Variants in LANCL3 observed in about 807,000 individuals in gnomAD.
LANCL3 encodes the protein lanC-like protein 3.
LANCL3 carries 19 observed loss-of-function variants against 26.5 expected under a neutral mutation model. The observed-to-expected ratio is 0.72, with a 90% confidence interval of 0.50 to 1.05. The LOEUF is 1.05. LANCL3 is among the 50% of genes least tolerant of loss of function. The pLI, the probability that LANCL3 is intolerant of heterozygous loss-of-function variation, is 0.00. For synonymous variants in LANCL3, 160 were observed against 166.6 expected (o/e 0.96, Z 0.30); for missense variants, 318 against 362.7 (o/e 0.88, Z 1.00).
At chrX:37,602,925 G>A (rs1924609396) in intron 1 of LANCL3, among the ~76,000 whole-genome samples, 1 of 109,666 alleles carries the variant, frequency 9.1e-6, no homozygotes, top group Admixed American at 9.6e-5. Context: ...GTTTTTATCT[G>A]TAGTCTAGTC....
chrX:37,577,112 C>T (rs1202444958), intron 1 of LANCL3, among the ~76,000 whole-genome samples: 12 of 111,752 alleles, frequency 1.1e-4, no homozygotes, highest in Non-Finnish European at 2.1e-4. Flanking sequence ...AAAAGATCGC[C>T]CTGGTTTTCT....
chrX:37,680,528 C>G lies in LANCL3; in HGVS notation c.*4715C>G, dbSNP rs972885894. 9.0e-5 allele frequency: 10 copies of G among 111,726 alleles called. No homozygotes were observed. Among genetic ancestry groups the G allele is most frequent in the Non-Finnish European group, 1.7e-4 (9 of 53,118 alleles). 9.2% of individuals were successfully genotyped at this position (111,726 alleles called of 1,213,427 possible). ...GCAGAATTCCCAGAATCTTCTTTTG[C>G]CTTTGTGCACCTGCTAATTACCCCC... On this transcript the variant is annotated 3_prime_UTR_variant, in exon 5 of 5. Coordinates refer to ENST00000378619, the MANE Select transcript of LANCL3 (RefSeq NM_001170331.2).
At position 37,648,158 on chromosome X, in the gene LANCL3, G is replaced by C. The variant is rs144546059; in HGVS notation, c.574-7530G>C. Among the ~76,000 whole-genome samples, 351 of 112,305 alleles carry C rather than the reference G, an allele frequency of 3.1e-3. 1 individual carries two copies. Among genetic ancestry groups the C allele is most frequent in the African/African-American group, 0.011 (338 of 30,978 alleles). On this transcript the variant is annotated intron_variant, in intron 1 of 4. Coordinates refer to ENST00000378619, the MANE Select transcript of LANCL3 (RefSeq NM_001170331.2). The stretch of plus-strand genomic sequence containing the variant: ...CTTCAACAGCAGTTTTACAAAACTT[G>C]TCTTTTTTTAAAAAATCAACCTTTC...
intron 1 of LANCL3, among the ~76,000 whole-genome samples, chrX:37,597,323 A>G (rs896590961): frequency 2.7e-5 from 3 of 112,126 alleles, no homozygotes; most frequent in African/African-American, 9.7e-5. Flanking sequence ...TCATTTGTGT[A>G]CAGGTTTTTA....
chrX:37,671,382 C>G (rs1386869462), intron 4 of LANCL3, among the ~76,000 whole-genome samples: 5 of 111,430 alleles, frequency 4.5e-5, no homozygotes, highest in African/African-American at 9.8e-5. Context: ...TTTATATTCA[C>G]TTCTTATAAT....
At chrX:37,580,691 C>A (rs1556416917) in intron 1 of LANCL3, among the ~76,000 whole-genome samples, 1 of 111,251 alleles carries the variant, frequency 9.0e-6, no homozygotes, top group Non-Finnish European at 1.9e-5. Context: ...ACCAACTTCT[C>A]CCCTTTCCCT....
chrX:37,592,571 T>G (rs1322786326), intron 1 of LANCL3, among the ~76,000 whole-genome samples: 1 of 111,680 alleles, frequency 9.0e-6, no homozygotes, highest in Non-Finnish European at 1.9e-5. Context: ...AGCAGGATAT[T>G]ATTGAAAGGA....
At chrX:37,595,857 C>G (rs1406035418) in intron 1 of LANCL3, among the ~76,000 whole-genome samples, 1 of 111,872 alleles carries the variant, frequency 8.9e-6, no homozygotes, top group Non-Finnish European at 1.9e-5. Flanking sequence ...TAGAATTTCT[C>G]TTTTTGTCTG....
chrX:37,619,575 C>G (rs986645357), intron 1 of LANCL3, among the ~76,000 whole-genome samples: 4 of 95,371 alleles, frequency 4.2e-5, no homozygotes, highest in African/African-American at 1.8e-4. Context: ...GGTTAAAGAA[C>G]CAAGTTATTT....
intron 4 of LANCL3, among the ~76,000 whole-genome samples, chrX:37,674,310 T>G (rs782229754): frequency 8.9e-6 from 1 of 112,148 alleles, no homozygotes; most frequent in Non-Finnish European, 1.9e-5. Flanking sequence ...TTACTCTTGT[T>G]GCAGATATTG....
intron 1 of LANCL3, among the ~76,000 whole-genome samples, chrX:37,610,127 C>T (rs1556420978): frequency 2.7e-5 from 3 of 112,012 alleles, no homozygotes. Flanking sequence ...GCTAGAGGAA[C>T]CATTTTCAAG....
chrX:37,633,614 A>G (rs1156745744), intron 1 of LANCL3, among the ~76,000 whole-genome samples: 1 of 110,959 alleles, frequency 9.0e-6, no homozygotes, highest in Non-Finnish European at 1.9e-5. Flanking sequence ...TTTGGTGTGG[A>G]TGTCCTTTCT....
intron 1 of LANCL3, among the ~76,000 whole-genome samples, chrX:37,595,130 A>T (rs1221777857): frequency 9.0e-6 from 1 of 111,457 alleles, no homozygotes; most frequent in Non-Finnish European, 1.9e-5. Flanking sequence ...TTCATCTTAC[A>T]TGTTTCCTAG....
At chrX:37,661,406 T>C (rs1029557794) in intron 3 of LANCL3, among the ~76,000 whole-genome samples, 11 of 112,007 alleles carry the variant, frequency 9.8e-5, no homozygotes, top group African/African-American at 3.6e-4. Context: ...TCATGTTCAG[T>C]ATCTAGAGAA....
chrX:37,581,872 G>A (rs1164898481), intron 1 of LANCL3, among the ~76,000 whole-genome samples: 2 of 110,946 alleles, frequency 1.8e-5, no homozygotes, highest in African/African-American at 6.6e-5. Context: ...ATGTTGGTGT[G>A]CTGCACCCAT....
intron 1 of LANCL3, among the ~76,000 whole-genome samples, chrX:37,610,293 T>C (rs951878920): frequency 7.2e-5 from 8 of 111,726 alleles, no homozygotes; most frequent in Non-Finnish European, 1.3e-4. Flanking sequence ...CCTAAGAGAA[T>C]ATAGCAAAAG....
At chrX:37,658,348 G>C (rs928603303) in intron 2 of LANCL3, among the ~76,000 whole-genome samples, 3 of 112,290 alleles carry the variant, frequency 2.7e-5, no homozygotes, top group African/African-American at 9.7e-5. Context: ...ATCCAGGAAA[G>C]CCAATAATGT....
At chrX:37,623,950 T>G (rs2146747339) in intron 1 of LANCL3, among the ~76,000 whole-genome samples, 1 of 112,431 alleles carries the variant, frequency 8.9e-6, no homozygotes, top group South Asian at 3.7e-4. Flanking sequence ...TAGATCTGCC[T>G]TATTGCTTTC....
chrX:37,610,047 A>G (rs1602106527), intron 1 of LANCL3, among the ~76,000 whole-genome samples: 1 of 112,060 alleles, frequency 8.9e-6, no homozygotes, highest in Admixed American at 9.5e-5. Flanking sequence ...AAAATATGCA[A>G]TTTGGATGGG....
Sources: gnomAD v4.1 joint callset for allele counts (sites outside exome capture counted in the v4.1 genomes callset) on GRCh38, gnomAD v4.1.1 for gene constraint, MANE v1.5 for transcripts, NCBI Gene and HGNC (gene_info 2026-07-23, HGNC 2026-07-21) for gene names.